The following RBMS3 variants were observed in gnomAD, a reference collection of about 807,000 sequenced individuals.
RBMS3 encodes RNA-binding motif, single-stranded-interacting protein 3.
A neutral mutation model predicts 66.8 loss-of-function variants in RBMS3; 27 were observed. The observed-to-expected ratio is 0.40, with a 90% confidence interval of 0.30 to 0.56. The LOEUF (loss-of-function observed/expected upper bound fraction) is 0.56, where lower values mean the gene tolerates loss of function less well. Ranked by LOEUF, RBMS3 falls within the 20% of genes least tolerant of loss-of-function variation. RBMS3 has a pLI of 0.40. For synonymous variants in RBMS3, 188 were observed against 183.0 expected (o/e 1.03, Z -0.22); for missense variants, 513 against 549.5 (o/e 0.93, Z 0.66).
intron 6 of RBMS3, among the ~76,000 whole-genome samples, chr3:29,774,558 A>G (rs2056351490): frequency 1.3e-5 from 2 of 152,142 alleles, no homozygotes; most frequent in Non-Finnish European, 2.9e-5. Flanking sequence ...TTAAGATGGT[A>G]TAGTGAGCTT....
intron 12 of RBMS3, among the ~76,000 whole-genome samples, chr3:29,969,883 T>TA (rs1697113429): frequency 6.6e-6 from 1 of 152,170 alleles, no homozygotes; most frequent in African/African-American, 2.4e-5. Context: ...GTCTATAGTG[T>TA]ACAACTTTTG....
chr3:29,633,962 C>G (rs1190869359), intron 4 of RBMS3, among the ~76,000 whole-genome samples: 1 of 151,842 alleles, frequency 6.6e-6, no homozygotes, highest in African/African-American at 2.4e-5. Context: ...GTCAACTAAC[C>G]TGCCAATATC....
At chr3:29,832,740 A>G (rs2058406099) in intron 6 of RBMS3, among the ~76,000 whole-genome samples, 1 of 152,138 alleles carries the variant, frequency 6.6e-6, no homozygotes, top group South Asian at 2.1e-4. Context: ...CAGGAAACGG[A>G]GGCTATAGAC....
chr3:29,932,172 G>A (rs1191349246), intron 10 of RBMS3, among the ~76,000 whole-genome samples: 1 of 152,132 alleles, frequency 6.6e-6, no homozygotes, highest in Non-Finnish European at 1.5e-5. Flanking sequence ...CTTATTCAGT[G>A]ATTATATGGT....
chr3:29,493,287 G>A (rs962172305), intron 3 of RBMS3, among the ~76,000 whole-genome samples: 1 of 152,200 alleles, frequency 6.6e-6, no homozygotes, highest in Non-Finnish European at 1.5e-5. Flanking sequence ...ATATTTGAGA[G>A]TCAGGATCAG....
chr3:29,374,876 T>C (rs2038386975), intron 1 of RBMS3, among the ~76,000 whole-genome samples: 1 of 152,242 alleles, frequency 6.6e-6, no homozygotes. Flanking sequence ...ATTGTGTCTG[T>C]ATGATGACAA....
intron 6 of RBMS3, among the ~76,000 whole-genome samples, chr3:29,814,466 G>C (rs1413484502): frequency 2.0e-5 from 3 of 152,126 alleles, no homozygotes; most frequent in African/African-American, 7.2e-5. Flanking sequence ...TCTCTGCCAG[G>C]CTTTGGTATC....
intron 1 of RBMS3, among the ~76,000 whole-genome samples, chr3:29,299,498 T>C (rs1256518726): frequency 6.6e-6 from 1 of 151,910 alleles, no homozygotes; most frequent in Non-Finnish European, 1.5e-5. Context: ...TAAAATAATA[T>C]GATTGGCCCT....
chr3:29,745,260 T>C (rs1309126129), intron 5 of RBMS3, among the ~76,000 whole-genome samples: 2 of 151,288 alleles, frequency 1.3e-5, no homozygotes, highest in African/African-American at 4.9e-5. Flanking sequence ...TTTTTTTTAC[T>C]CTCTTGTAAC....
At chr3:29,512,854 C>G (rs1393270461) in intron 3 of RBMS3, among the ~76,000 whole-genome samples, 1 of 152,172 alleles carries the variant, frequency 6.6e-6, no homozygotes, top group African/African-American at 2.4e-5. Context: ...AACAATCTAT[C>G]CTTTCTTTAT....
intron 4 of RBMS3, among the ~76,000 whole-genome samples, chr3:29,735,141 A>G (rs1479893253): frequency 6.6e-6 from 1 of 152,138 alleles, no homozygotes. Context: ...TGATCTAGAT[A>G]GGGCAGTGTT....
intron 1 of RBMS3, among the ~76,000 whole-genome samples, chr3:29,416,970 T>A (rs1312469957): frequency 1.3e-5 from 2 of 152,042 alleles, no homozygotes; most frequent in Admixed American, 1.3e-4. Flanking sequence ...TTCTGAACTA[T>A]CACTAGAAAA....
At chr3:29,930,261 A>G (rs772988817) in intron 10 of RBMS3, among the ~76,000 whole-genome samples, 4 of 150,090 alleles carry the variant, frequency 2.7e-5, no homozygotes, top group Non-Finnish European at 1.5e-5. Context: ...ACAGGCGCCT[A>G]CCACCACGCC....
At chr3:29,376,203 T>C (rs1476752742) in intron 1 of RBMS3, among the ~76,000 whole-genome samples, 1 of 48,786 alleles carries the variant, frequency 2.0e-5, no homozygotes, top group Admixed American at 2.9e-4. Flanking sequence ...GGGTGGGGGG[T>C]GGGAGGAGGG....
chr3:29,800,359 T>C lies in RBMS3; in HGVS notation c.637+37370T>C, dbSNP rs1322151356. On this transcript the variant is annotated intron_variant, in intron 6 of 14. Transcript: ENST00000383767. The stretch of plus-strand genomic sequence containing the variant: ...AAGAGTTTAGCAGTTAAAGACACAT[T>C]ATTAAGTATTCCCTTTAAATAAACT... Among the ~76,000 whole-genome samples, 7 of 152,274 alleles carry C rather than the reference T, an allele frequency of 4.6e-5. No homozygotes were observed. The East Asian group carries it at 1.4e-3, about 29-fold the overall frequency.
intron 1 of RBMS3, among the ~76,000 whole-genome samples, chr3:29,408,390 G>A (rs979848302): frequency 1.3e-5 from 2 of 151,028 alleles, no homozygotes; most frequent in Non-Finnish European, 2.9e-5. Context: ...CACTTAATCT[G>A]TCTGTGCCTC....
intron 2 of RBMS3, among the ~76,000 whole-genome samples, chr3:29,438,848 C>G (rs958284145): frequency 6.6e-6 from 1 of 152,006 alleles, no homozygotes; most frequent in Admixed American, 6.6e-5. Flanking sequence ...GGAAAATGGG[C>G]ATCAATTAAA....
At chr3:29,693,044 C>T (rs2052102771) in intron 4 of RBMS3, among the ~76,000 whole-genome samples, 2 of 152,052 alleles carry the variant, frequency 1.3e-5, no homozygotes, top group Non-Finnish European at 2.9e-5. Context: ...GTAACTTATT[C>T]TGTTTAATGG....
rs570364691 is a variant in RBMS3 at position 29,443,034 on chromosome 3, G to A, written c.248+8119G>A. Among the ~76,000 whole-genome samples, 3 of 152,128 alleles carry A rather than the reference G, an allele frequency of 2.0e-5. No homozygotes were observed. In the East Asian group the frequency reaches 5.8e-4, roughly 29 times the overall value. On this transcript the variant is annotated intron_variant, in intron 2 of 14. Coordinates refer to ENST00000383767, the MANE Select transcript of RBMS3 (RefSeq NM_001003793.3). Reference sequence around the variant, plus strand: ...TTGTCCACCATCAACTATTTGTTTAGTTCTGGATCCATATCTCATTATTCC... The same window carrying A: ...TTGTCCACCATCAACTATTTGTTTAATTCTGGATCCATATCTCATTATTCC...
Sources: gnomAD v4.1 joint callset for allele counts (sites outside exome capture counted in the v4.1 genomes callset) on GRCh38, gnomAD v4.1.1 for gene constraint, MANE v1.5 for transcripts, NCBI Gene and HGNC (gene_info 2026-07-23, HGNC 2026-07-21) for gene names.